Variants in PLD5 observed in about 807,000 individuals in gnomAD.
The protein encoded by PLD5 is phospholipase D family member 5.
In PLD5, 36 loss-of-function variants were observed where a neutral mutation model predicts 61.1. That is an observed-to-expected ratio of 0.59 (90% CI 0.45 to 0.78). The LOEUF is 0.78. Among genes scored for constraint, PLD5 ranks in the 30% least tolerant of loss-of-function variants. PLD5 has a pLI of 0.00. For missense variants in PLD5, 515 were observed against 644.4 expected (o/e 0.80, Z 2.17); for synonymous variants, 243 against 242.8 (o/e 1.00, Z -0.01).
chr1:242,145,664 T>C (rs546165901), intron 5 of PLD5, among the ~76,000 whole-genome samples: 2 of 152,218 alleles, frequency 1.3e-5, no homozygotes, highest in Admixed American at 6.5e-5. Flanking sequence ...CAACAGGAAG[T>C]CTCATAAAAG....
rs7553782 is a variant in PLD5, at chr1:242,140,136, A to G, written c.736-15471T>C. Among the ~76,000 whole-genome samples the G allele has an allele frequency of 2.6e-3, 389 of 152,276 alleles. 1 individual carries two copies. The highest frequency in any genetic ancestry group is 8.9e-3 in the African/African-American group (372 of 41,566). Reference sequence around the variant, plus strand: ...TGAAGTAAAACCACCATGAGGACCAATGTTTGACTCCTGCACACCAACGTG... The same window carrying G: ...TGAAGTAAAACCACCATGAGGACCAGTGTTTGACTCCTGCACACCAACGTG... On this transcript the variant is annotated intron_variant, in intron 5 of 9. Transcript: ENST00000536534.
At chr1:242,236,986 A>G (rs1251094470) in intron 4 of PLD5, among the ~76,000 whole-genome samples, 1 of 152,252 alleles carries the variant, frequency 6.6e-6, no homozygotes, top group Non-Finnish European at 1.5e-5. Flanking sequence ...AAAAGAATCC[A>G]GGATACTGAA....
At chr1:242,439,411 T>C (rs1442209783) in intron 1 of PLD5, among the ~76,000 whole-genome samples, 1 of 152,138 alleles carries the variant, frequency 6.6e-6, no homozygotes, top group Non-Finnish European at 1.5e-5. Flanking sequence ...AGGAAGTTTT[T>C]ATGGGTAGGC....
intron 3 of PLD5, among the ~76,000 whole-genome samples, chr1:242,280,678 T>C (rs1674672844): frequency 6.6e-6 from 1 of 152,196 alleles, no homozygotes; most frequent in African/African-American, 2.4e-5. Context: ...CCACCAACTA[T>C]GCCAATCTTT....
rs574459268 is a variant in PLD5 at position 242,138,787 on chromosome 1, T to A, written c.736-14122A>T. Among the ~76,000 whole-genome samples the A allele has an allele frequency of 3.3e-5, 5 of 152,320 alleles. No homozygotes were observed. In the South Asian group the frequency reaches 8.3e-4, roughly 25 times the overall value. On this transcript the variant is annotated intron_variant, in intron 5 of 9. Coordinates refer to ENST00000536534, the MANE Select transcript of PLD5 (RefSeq NM_001372062.1). ...TCTTTTTCTTGGGGATGGTGCTGTA[T>A]GAGCATCTCTGGGGAAAGAGTCTTT...
At position 242,227,649 on chromosome 1, in the gene PLD5, C is replaced by G. The variant is rs1671035177; in HGVS notation, c.608-7534G>C. Among the ~76,000 whole-genome samples the G allele has an allele frequency of 2.0e-5, 3 of 152,214 alleles. No homozygotes were observed. The South Asian group carries it at 6.2e-4, about 32-fold the overall frequency. On this transcript the variant is annotated intron_variant, in intron 4 of 9. Coordinates refer to ENST00000536534, the MANE Select transcript of PLD5 (RefSeq NM_001372062.1). ...AAAGTGTTGGGATTACAGGCATAAG[C>G]CACCGTGCCCAGCCCTCTTCACTGT...
At chr1:242,517,035 TG>T (rs1279997930) in intron 1 of PLD5, among the ~76,000 whole-genome samples, 1 of 149,662 alleles carries the variant, frequency 6.7e-6, no homozygotes, top group Non-Finnish European at 1.5e-5. Context: ...TTTTGCCTAT[TG>T]GCTTTGAATC....
At chr1:242,280,113 T>C (rs1335905349) in intron 3 of PLD5, among the ~76,000 whole-genome samples, 1 of 152,270 alleles carries the variant, frequency 6.6e-6, no homozygotes, top group Non-Finnish European at 1.5e-5. Flanking sequence ...TGAGATAGGA[T>C]TATTAAAATA....
chr1:242,345,947 C>A (rs369146589), intron 2 of PLD5, among the ~76,000 whole-genome samples: 12 of 150,856 alleles, frequency 8.0e-5, no homozygotes, highest in African/African-American at 2.9e-4. Flanking sequence ...AGAACAGAAA[C>A]ACAGGGCACA....
chr1:242,426,869 C>A (rs866514629), intron 1 of PLD5, among the ~76,000 whole-genome samples: 1 of 152,150 alleles, frequency 6.6e-6, no homozygotes, highest in South Asian at 2.1e-4. Context: ...CAGCCAATGG[C>A]ATGTGAGCAG....
intron 1 of PLD5, among the ~76,000 whole-genome samples, chr1:242,395,044 T>TATATATGA (rs1558528266): frequency 1.6e-4 from 8 of 50,422 alleles, no homozygotes; most frequent in Admixed American, 2.3e-4. Flanking sequence ...AATGTATATG[T>TATATATGA]ATATATGAAT....
chr1:242,138,770 T>C (rs1412106332), intron 5 of PLD5, among the ~76,000 whole-genome samples: 4 of 152,192 alleles, frequency 2.6e-5, no homozygotes, highest in South Asian at 4.1e-4. Context: ...CATCTTTTTC[T>C]TGGGGATGGT....
chr1:242,301,325 G>T (rs963808222), intron 2 of PLD5, among the ~76,000 whole-genome samples: 3 of 152,200 alleles, frequency 2.0e-5, no homozygotes, highest in African/African-American at 7.2e-5. Context: ...GCTACTCCTT[G>T]TCAGAATTGT....
upstream of PLD5, among the ~76,000 whole-genome samples, chr1:242,525,259 GGCA>G (rs200310998): frequency 0.3 from 46,335 of 151,996 alleles, 7,710 homozygotes; most frequent in African/African-American, 0.44. Context: ...CCCTCGGGCA[GGCA>G]CGCGGGACCG....
intron 9 of PLD5, among the ~76,000 whole-genome samples, chr1:242,095,326 G>A (rs765014234): frequency 3.3e-5 from 5 of 151,974 alleles, no homozygotes; most frequent in Non-Finnish European, 7.4e-5. Flanking sequence ...TCTGTCTCCC[G>A]GGTTCAAGCG....
intron 1 of PLD5, among the ~76,000 whole-genome samples, chr1:242,511,275 T>C (rs1385152796): frequency 1.3e-5 from 2 of 152,108 alleles, no homozygotes; most frequent in Non-Finnish European, 2.9e-5. Flanking sequence ...ATAAATAAGA[T>C]ATTGAGGGAA....
chr1:242,091,832 C>CTTTTTT (rs750237371), intron 9 of PLD5, among the ~76,000 whole-genome samples: 2 of 123,434 alleles, frequency 1.6e-5, no homozygotes. Context: ...TTCTTTTTTT[C>CTTTTTT]TTTTTTTTTT....
chr1:242,378,471 T>C (rs1376592206), intron 1 of PLD5, among the ~76,000 whole-genome samples: 2 of 152,174 alleles, frequency 1.3e-5, no homozygotes, highest in Non-Finnish European at 2.9e-5. Flanking sequence ...ATGTACTTAA[T>C]ACTACTGAAC....
At chr1:242,121,888 C>T (rs1316703325) in intron 6 of PLD5, among the ~76,000 whole-genome samples, 1 of 134,748 alleles carries the variant, frequency 7.4e-6, no homozygotes, top group Non-Finnish European at 1.5e-5. Flanking sequence ...GGGAACTGAA[C>T]AATGAGAACA....
Sources: allele counts gnomAD v4.1 joint callset (sites outside exome capture counted in the v4.1 genomes callset), GRCh38; gene constraint gnomAD v4.1.1; transcripts MANE v1.5; gene names NCBI Gene and HGNC (gene_info 2026-07-23, HGNC 2026-07-21).